Variants in CNTFR observed in about 807,000 individuals in gnomAD.
The protein encoded by CNTFR is ciliary neurotrophic factor receptor subunit alpha.
CNTFR carries 12 observed loss-of-function variants against 40.4 expected under a neutral mutation model. That is an observed-to-expected ratio of 0.30 (90% confidence interval 0.19 to 0.48). The LOEUF (loss-of-function observed/expected upper bound fraction) is 0.48, where lower values mean the gene tolerates loss of function less well. CNTFR is among the 20% of genes least tolerant of loss of function. CNTFR has a pLI of 0.99. For missense variants in CNTFR, 414 were observed against 506.8 expected (o/e 0.82, Z 1.76); for synonymous variants, 202 against 209.6 (o/e 0.96, Z 0.31).
At chr9:34,555,028 C>A (rs111914063) in intron 7 of CNTFR, among the ~76,000 whole-genome samples, 2 of 152,246 alleles carry the variant, frequency 1.3e-5, no homozygotes, top group Non-Finnish European at 2.9e-5. Context: ...GTACGGTTCC[C>A]GCTGGGAGCC....
intron 2 of CNTFR, among the ~76,000 whole-genome samples, chr9:34,570,943 TG>T (rs1317319539): frequency 6.6e-6 from 1 of 152,162 alleles, no homozygotes; most frequent in East Asian, 1.9e-4. Flanking sequence ...CCTCTGAGCC[TG>T]CTTTTCCTTT....
rs1263013643 is a variant in CNTFR at position 34,552,209 on chromosome 9, G to A, written c.1070C>T (p.Thr357Ile). 1 of 1,583,224 alleles carries A rather than the reference G, an allele frequency of 6.3e-7. No homozygotes were observed. The highest frequency in any genetic ancestry group is 1.3e-5 in the African/African-American group (1 of 74,582). ...GGCGGCAGCGGCAGCCAGGGCCAGAGTGATGGGGACGCTGACCAAGAAGGG... is the reference window on the plus strand; with the variant it reads ...GGCGGCAGCGGCAGCCAGGGCCAGAATGATGGGGACGCTGACCAAGAAGGG... ...SAPFLVSVPITLALAAAAATA... is the reference protein window; with the variant it reads ...SAPFLVSVPIILALAAAAATA... The change falls in exon 9 of 10, where the codon ACT becomes ATT. Residue 357 changes from threonine (T) to isoleucine (I), a missense_variant. Transcript: ENST00000378980. This position sits in a 1 kb window ranked among gnomAD's most constrained non-coding sequence, Gnocchi z 5.1.
chr9:34,558,019 G>C (rs1387621640), intron 4 of CNTFR, 35 bp from the exon 5 acceptor site: 3 of 1,442,452 alleles, frequency 2.1e-6, no homozygotes, highest in Non-Finnish European at 2.8e-6. Context: ...GGGCATTCTT[G>C]GAGCTCCCAG....
intron 2 of CNTFR, among the ~76,000 whole-genome samples, chr9:34,580,416 C>T (rs1438917393): frequency 1.3e-5 from 2 of 152,154 alleles, no homozygotes; most frequent in Admixed American, 6.5e-5. Flanking sequence ...CCTGGGGTAC[C>T]CCACTCCACC....
intron 4 of CNTFR, among the ~76,000 whole-genome samples, chr9:34,559,859 C>A (rs908602231): frequency 2.0e-5 from 3 of 152,182 alleles, no homozygotes; most frequent in Non-Finnish European, 4.4e-5. Context: ...CAGGCCCCCA[C>A]CCCTGGCCAG....
chr9:34,568,794 C>T (rs1456444040), intron 3 of CNTFR, 103 bp downstream of exon 3: 12 of 1,024,892 alleles, frequency 1.2e-5, no homozygotes, highest in Middle Eastern at 2.0e-4. Flanking sequence ...TGTGACAATG[C>T]CAGTGTGTGA....
intron 2 of CNTFR, among the ~76,000 whole-genome samples, chr9:34,580,465 C>T (rs1389920496): frequency 6.6e-6 from 1 of 152,188 alleles, no homozygotes; most frequent in African/African-American, 2.4e-5. Context: ...AGGGTTAGTC[C>T]CCCCTCAGCC....
intron 4 of CNTFR, among the ~76,000 whole-genome samples, chr9:34,561,241 C>T (rs1357792216): frequency 6.6e-6 from 1 of 152,254 alleles, no homozygotes; most frequent in Non-Finnish European, 1.5e-5. Flanking sequence ...TCTCCTCACT[C>T]TTTCCTTTCC....
In CNTFR at chr9:34,557,417, T is replaced by C. The variant is rs1825892206; in HGVS notation, c.604+109A>G. On this transcript the variant is annotated intron_variant, in intron 6 of 9. Transcript: ENST00000378980. This position sits in a 1 kb window ranked among gnomAD's most constrained non-coding sequence, Gnocchi z 4.2. ...CTGTACATACCTGTGCAGAGGCATG[T>C]ACATGCCATGTATACATGTGCATGC... The C allele has an allele frequency of 8.0e-7, 1 of 1,244,596 alleles. No individual in the cohort carries two copies. 77.1% of individuals were successfully genotyped at this position (1,244,596 alleles called of 1,614,324 possible).
At chr9:34,564,936 G>C in intron 3 of CNTFR, 104 bp from the exon 4 acceptor site, 4 of 909,858 alleles carry the variant, frequency 4.4e-6, no homozygotes, top group Non-Finnish European at 6.9e-6. Context: ...GGATGAGTGA[G>C]GACGAGAGGC....
At position 34,564,693 on chromosome 9, in the gene CNTFR, C is replaced by T. The variant is rs767051489; in HGVS notation, c.225G>A (p.Val75=). The stretch of plus-strand genomic sequence containing the variant: ...TGTGGCCCAGTTCCAGGCCATGGAG[C>T]ACCAGCTGAGAGCCGTTGAGCAGGT... The part of the protein sequence containing the change: ...APDLLNGSQL[V]LHGLELGHSG... The change falls in exon 4 of 10, where the codon GTG becomes GTA. Residue 75 remains valine, a synonymous_variant. Transcript: ENST00000378980. 3 of 1,613,906 alleles carry T rather than the reference C, an allele frequency of 1.9e-6. No individual in the cohort carries two copies. Among genetic ancestry groups the T allele is most frequent in the African/African-American group, 2.7e-5 (2 of 74,890 alleles).
Position 34,568,939 on chromosome 9 carries a change from C to T in CNTFR, c.43G>A (p.Ala15Thr), listed in dbSNP as rs369923771. The change falls in exon 3 of 10, where the codon GCC (alanine) becomes ACC (threonine). Residue 15 changes from alanine (A) to threonine (T), a missense_variant. Around this residue, in one of 3 missense-constraint regions of CNTFR, gnomAD observed 250 missense variants for 269.5 expected, o/e 0.93. Transcript: ENST00000378980. Reference protein sequence around the residue: ...VPWACCAVLAAAAAVVYAQRH... With the variant: ...VPWACCAVLATAAAVVYAQRH... ...TGGGCGTAGACAACTGCGGCGGCGG[C>T]GGCAAGCACAGCACAGCAGGCCCAC... 1.1e-5 allele frequency: 18 copies of T among 1,601,500 alleles called. No individual in the cohort carries two copies. Among genetic ancestry groups the T allele is most frequent in the East Asian group, 6.8e-5 (3 of 44,174 alleles).
At chr9:34,568,776 T>A in intron 3 of CNTFR, 121 bp downstream of exon 3, 1 of 815,626 alleles carries the variant, frequency 1.2e-6, no homozygotes, top group Admixed American at 2.1e-5. Flanking sequence ...TCCCTCTGGG[T>A]GGTCATGTGT....
At position 34,589,272 on chromosome 9, in the gene CNTFR, G is replaced by A. The variant is rs980819904; in HGVS notation, c.-112+283C>T. Among the ~76,000 whole-genome samples the A allele has an allele frequency of 1.3e-5, 2 of 151,948 alleles. No homozygotes were observed. The highest frequency in any genetic ancestry group is 1.3e-4 in the Admixed American group (2 of 15,264). ...TGCAGCTGAGGGGTGGGGAGAACAG[G>A]GACACTAGGACAAACCGCCGGAGCC... On this transcript the variant is annotated intron_variant, in intron 1 of 9. Coordinates refer to ENST00000378980, the MANE Select transcript of CNTFR (RefSeq NM_147164.3). The surrounding 1 kb of genome is among the most constrained non-coding windows in gnomAD (Gnocchi z 4.4).
intron 3 of CNTFR, among the ~76,000 whole-genome samples, chr9:34,566,468 C>G (rs1291680173): frequency 6.6e-6 from 1 of 152,182 alleles, no homozygotes; most frequent in African/African-American, 2.4e-5. Flanking sequence ...GGGCCTCCCC[C>G]TGACCAGAGG....
At chr9:34,577,823 G>C (rs919000278) in intron 2 of CNTFR, among the ~76,000 whole-genome samples, 2 of 148,866 alleles carry the variant, frequency 1.3e-5, no homozygotes, top group African/African-American at 5.0e-5. Context: ...GGGCTGGGGG[G>C]AGAGACAGAG....
At chr9:34,579,233 G>A (rs1187921585) in intron 2 of CNTFR, among the ~76,000 whole-genome samples, 3 of 152,082 alleles carry the variant, frequency 2.0e-5, no homozygotes, top group African/African-American at 7.2e-5. Flanking sequence ...GGGAGGGAGG[G>A]GGATCCACGC....
chr9:34,557,334 A>G lies in CNTFR; in HGVS notation c.604+192T>C. On this transcript the variant is annotated intron_variant, in intron 6 of 9. Transcript: ENST00000378980. This position sits in a 1 kb window ranked among gnomAD's most constrained non-coding sequence, Gnocchi z 4.2. ...TCTCTCGGCCCTTCAGGTAAAGGAC[A>G]TTCACTTACACGTTCACAGGTGTAT... Among the ~76,000 whole-genome samples, 1 of 152,202 alleles carries G rather than the reference A, an allele frequency of 6.6e-6. No individual in the cohort carries two copies. Among genetic ancestry groups the G allele is most frequent in the East Asian group, 1.9e-4 (1 of 5,200 alleles).
chr9:34,568,260 C>T (rs1298396574), intron 3 of CNTFR: 1 of 152,328 alleles, frequency 6.6e-6, no homozygotes, highest in Non-Finnish European at 1.5e-5. Flanking sequence ...TCTGTTAACA[C>T]CGCTCCTTGT....
Sources: gnomAD v4.1 joint callset for allele counts (sites outside exome capture counted in the v4.1 genomes callset) on GRCh38, gnomAD v4.1.1 for gene constraint, gnomAD v4.1.1 regional missense constraint, Gnocchi (gnomAD v3.1) non-coding constraint, MANE v1.5 for transcripts, NCBI Gene and HGNC (gene_info 2026-07-23, HGNC 2026-07-21) for gene names.